The following SLC60A2 variants were observed in gnomAD, a reference collection of about 807,000 sequenced individuals.
SLC60A2 encodes the protein major facilitator superfamily domain containing 4B.
chr6:111,276,247 T>C, the SLC60A2 span, among the ~76,000 whole-genome samples: 1 of 152,242 alleles, frequency 6.6e-6, no homozygotes, highest in Non-Finnish European at 1.5e-5. Context: ...TACAACTGTG[T>C]CTTTGAGATC....
the SLC60A2 span, among the ~76,000 whole-genome samples, chr6:111,277,331 T>G: frequency 6.6e-6 from 1 of 152,204 alleles, no homozygotes; most frequent in Non-Finnish European, 1.5e-5. Context: ...ACAAGGTTTG[T>G]GGATTGTTTG....
chr6:111,271,312 G>A, the SLC60A2 span: 1 of 150,810 alleles, frequency 6.6e-6, no homozygotes, highest in Non-Finnish European at 1.5e-5. Context: ...ATTTTTAAAA[G>A]AAAAATCTTT....
chr6:111,265,792 C>A, the SLC60A2 span: 1 of 1,085,060 alleles, frequency 9.2e-7, no homozygotes, highest in South Asian at 1.6e-5. Context: ...AATAGACTCA[C>A]CCCCTTTCTG....
At chr6:111,259,676 C>A in the SLC60A2 span, 1 of 1,590,040 alleles carries the variant, frequency 6.3e-7, no homozygotes, top group East Asian at 2.4e-5. Context: ...GGACCGGGAG[C>A]AAGCTGCGGT....
chr6:111,279,580 A>G, the SLC60A2 span, among the ~76,000 whole-genome samples: 2 of 150,680 alleles, frequency 1.3e-5, no homozygotes, highest in African/African-American at 5.0e-5. Flanking sequence ...CTGGAGAGGA[A>G]GAGATCTCAT....
At chr6:111,269,963 A>G in the SLC60A2 span, 5 of 144,736 alleles carry the variant, frequency 3.5e-5, no homozygotes, top group African/African-American at 1.4e-4. Context: ...CCTTAAAACA[A>G]TAGACATTTG....
the SLC60A2 span, chr6:111,266,036 C>T: frequency 6.2e-7 from 1 of 1,614,176 alleles, no homozygotes. Context: ...AGTCTGACTT[C>T]CATCCTGCAC....
the SLC60A2 span, among the ~76,000 whole-genome samples, chr6:111,274,445 G>GT: frequency 3.9e-5 from 6 of 151,926 alleles, no homozygotes; most frequent in Middle Eastern, 3.2e-3. Context: ...GGGGTTTTTT[G>GT]TTTTTTTGTT....
the SLC60A2 span, chr6:111,267,179 G>C: frequency 1.4e-6 from 2 of 1,458,012 alleles, no homozygotes; most frequent in Non-Finnish European, 1.9e-6. Context: ...ACGCCATTCA[G>C]AGCAGAGCAT....
At chr6:111,269,817 G>A in the SLC60A2 span, 1 of 152,182 alleles carries the variant, frequency 6.6e-6, no homozygotes, top group Admixed American at 6.5e-5. Flanking sequence ...CATATTGGAA[G>A]GAAAAGACTT....
chr6:111,274,393 G>T, the SLC60A2 span, among the ~76,000 whole-genome samples: 13 of 152,186 alleles, frequency 8.5e-5, no homozygotes, highest in African/African-American at 3.1e-4. Context: ...GTGTGTTTAC[G>T]GGTGAAGTGA....
chr6:111,262,804 C>T, the SLC60A2 span, among the ~76,000 whole-genome samples: 1 of 152,108 alleles, frequency 6.6e-6, no homozygotes, highest in Non-Finnish European at 1.5e-5. Context: ...CAGGCTACAC[C>T]CTGGATTGGG....
the SLC60A2 span, chr6:111,259,480 T>C: frequency 2.1e-6 from 1 of 486,176 alleles, no homozygotes; most frequent in Non-Finnish European, 3.6e-6. Flanking sequence ...TTCTCGGAGC[T>C]CCAGAAGTTC....
At chr6:111,266,157 A>C in the SLC60A2 span, 1 of 1,606,488 alleles carries the variant, frequency 6.2e-7, no homozygotes, top group Admixed American at 1.7e-5. Flanking sequence ...AGTTTCTGTC[A>C]TTTTTTTTTG....
At chr6:111,270,657 C>G in the SLC60A2 span, 1 of 152,038 alleles carries the variant, frequency 6.6e-6, no homozygotes. Flanking sequence ...CTGGCTAACA[C>G]GGTGAAACCC....
At chr6:111,265,901 TTGGGGGGACAAAGGAGCCCCACATA>T in the SLC60A2 span, 1 of 1,611,974 alleles carries the variant, frequency 6.2e-7, no homozygotes, top group Non-Finnish European at 8.5e-7. Flanking sequence ...TCTTGGCTAT[TTGGGGGGACAAAGGAGCCCCACATA>T]TGCAGGCCTT....
At chr6:111,262,265 T>G in the SLC60A2 span, 1 of 1,611,846 alleles carries the variant, frequency 6.2e-7, no homozygotes, top group South Asian at 1.1e-5. Context: ...AGGGATTGAG[T>G]GTTGCTATAG....
the SLC60A2 span, chr6:111,262,348 G>C: frequency 1.9e-6 from 3 of 1,614,014 alleles, no homozygotes; most frequent in Non-Finnish European, 2.5e-6. Flanking sequence ...ATTTTTGTGG[G>C]TCGTGCCTTG....
the SLC60A2 span, chr6:111,262,522 C>T: frequency 1.1e-5 from 13 of 1,159,208 alleles, no homozygotes; most frequent in East Asian, 4.7e-5. Context: ...AATGGTTGGC[C>T]ACTGAAATGG....
Sources: gnomAD v4.1 joint callset for allele counts (sites outside exome capture counted in the v4.1 genomes callset) on GRCh38, gnomAD v4.1.1 for gene constraint, MANE v1.5 for transcripts, NCBI Gene and HGNC (gene_info 2026-07-23, HGNC 2026-07-21) for gene names.